Variants in GFRAL observed in about 807,000 individuals in gnomAD.
The protein encoded by GFRAL is GDNF family receptor alpha like, also known as GDNF family receptor alpha-like.
In GFRAL, 36 loss-of-function variants were observed where a neutral mutation model predicts 45.4. The ratio of observed to expected loss-of-function variants is 0.79; its 90% CI spans 0.61 to 1.05. GFRAL has a LOEUF of 1.05. GFRAL is among the 50% of genes least tolerant of loss of function. GFRAL has a pLI of 0.00. For synonymous variants in GFRAL, 166 were observed against 154.1 expected, an observed-to-expected ratio of 1.08 and a Z score of -0.57; for missense variants, 507 against 467.5, an observed-to-expected ratio of 1.08 and a Z score of -0.78.
chr6:55,384,863 CA>C (rs34292413), intron 6 of GFRAL, among the ~76,000 whole-genome samples: 2,506 of 140,464 alleles, frequency 0.018, 44 homozygotes, highest in African/African-American at 0.049. Flanking sequence ...CAAAAAGCAG[CA>C]AAAAAAAAAA....
intron 6 of GFRAL, among the ~76,000 whole-genome samples, chr6:55,359,576 G>T (rs1768245629): frequency 6.6e-6 from 1 of 151,868 alleles, no homozygotes; most frequent in South Asian, 2.1e-4. Flanking sequence ...TGGTCTTTTG[G>T]GGGGTCACTC....
chr6:55,339,980 C>A (rs1429538597), intron 3 of GFRAL, among the ~76,000 whole-genome samples: 1 of 151,986 alleles, frequency 6.6e-6, no homozygotes, highest in African/African-American at 2.4e-5. Flanking sequence ...ATGAATCAGG[C>A]ATACAAAAAC....
At chr6:55,362,536 A>G (rs1287398874) in intron 6 of GFRAL, among the ~76,000 whole-genome samples, 2 of 152,024 alleles carry the variant, frequency 1.3e-5, no homozygotes, top group Admixed American at 6.6e-5. Context: ...CTTGTCTGTG[A>G]TAATCTGTAG....
chr6:55,384,650 A>G (rs1768656293), intron 6 of GFRAL, among the ~76,000 whole-genome samples: 1 of 152,064 alleles, frequency 6.6e-6, no homozygotes. Flanking sequence ...CAACCAACAG[A>G]TGTGTGTCAG....
intron 3 of GFRAL, among the ~76,000 whole-genome samples, chr6:55,345,631 C>T (rs143024034): frequency 0.013 from 2,032 of 152,134 alleles, 24 homozygotes; most frequent in Non-Finnish European, 0.022. Flanking sequence ...GAGATAGGCA[C>T]GGGCAAGGAC....
At chr6:55,392,593 A>T (rs1455980643) in intron 6 of GFRAL, among the ~76,000 whole-genome samples, 1 of 152,214 alleles carries the variant, frequency 6.6e-6, no homozygotes, top group East Asian at 1.9e-4. Context: ...TTGATGTTGC[A>T]TCACATCGCC....
intron 5 of GFRAL, among the ~76,000 whole-genome samples, chr6:55,357,307 AG>A (rs1768207774): frequency 6.6e-6 from 1 of 151,726 alleles, no homozygotes; most frequent in Non-Finnish European, 1.5e-5. Flanking sequence ...CTCTCTCTTT[AG>A]GTCTAATACT....
At chr6:55,369,035 C>T (rs971649703) in intron 6 of GFRAL, among the ~76,000 whole-genome samples, 1 of 151,766 alleles carries the variant, frequency 6.6e-6, no homozygotes, top group African/African-American at 2.4e-5. Context: ...GCGCCCCTAC[C>T]CCAGCCTGGC....
chr6:55,339,069 C>T (rs1051678661), intron 3 of GFRAL, among the ~76,000 whole-genome samples: 7 of 151,960 alleles, frequency 4.6e-5, no homozygotes, highest in Admixed American at 6.6e-5. Context: ...ACTAAGGCAC[C>T]GGTCCTGAGA....
chr6:55,342,176 C>G (rs1200678560), intron 3 of GFRAL, among the ~76,000 whole-genome samples: 2 of 152,094 alleles, frequency 1.3e-5, no homozygotes, highest in Non-Finnish European at 2.9e-5. Flanking sequence ...ACAGAGAATG[C>G]CACAAAGATA....
At chr6:55,329,019 T>A (rs767190970) in intron 1 of GFRAL, among the ~76,000 whole-genome samples, 1 of 152,100 alleles carries the variant, frequency 6.6e-6, no homozygotes, top group East Asian at 1.9e-4. Context: ...AACACTGATA[T>A]AATTTGCAGC....
intron 6 of GFRAL, among the ~76,000 whole-genome samples, chr6:55,386,630 G>A (rs191452111): frequency 1.3e-5 from 2 of 152,160 alleles, no homozygotes; most frequent in Admixed American, 6.5e-5. Flanking sequence ...TACCTTTGTT[G>A]GCTAAGATTT....
intron 6 of GFRAL, among the ~76,000 whole-genome samples, chr6:55,377,905 A>G (rs1274901907): frequency 6.6e-6 from 1 of 152,102 alleles, no homozygotes; most frequent in Non-Finnish European, 1.5e-5. Flanking sequence ...AGAGTCAGTA[A>G]AAAGATGCAA....
intron 6 of GFRAL, among the ~76,000 whole-genome samples, chr6:55,365,034 T>C (rs1768339897): frequency 6.7e-6 from 1 of 149,972 alleles, no homozygotes; most frequent in Non-Finnish European, 1.5e-5. Context: ...TTGGGCAGTA[T>C]GGCCATTTTC....
intron 6 of GFRAL, among the ~76,000 whole-genome samples, chr6:55,395,175 A>AAAATATATAT: frequency 2.0e-3 from 251 of 123,448 alleles, no homozygotes; most frequent in South Asian, 7.0e-3. Context: ...AAAAAAAAAA[A>AAAATATATAT]ATATATATAT....
At chr6:55,352,829 C>G (rs1342716818) in intron 5 of GFRAL, among the ~76,000 whole-genome samples, 1 of 151,860 alleles carries the variant, frequency 6.6e-6, no homozygotes, top group Non-Finnish European at 1.5e-5. Context: ...TAATGTTAGT[C>G]GTTTATTTAT....
chr6:55,360,656 G>A (rs1045146656), intron 6 of GFRAL, among the ~76,000 whole-genome samples: 2 of 151,872 alleles, frequency 1.3e-5, no homozygotes, highest in African/African-American at 4.8e-5. Context: ...ATACAGAGAA[G>A]AATTGAAGTG....
intron 6 of GFRAL, among the ~76,000 whole-genome samples, chr6:55,379,590 C>T (rs894660533): frequency 8.5e-6 from 1 of 118,154 alleles, no homozygotes; most frequent in Admixed American, 7.7e-5. Context: ...CACACACACA[C>T]ACACACAAAC....
At chr6:55,340,122 A>G (rs76073599) in intron 3 of GFRAL, among the ~76,000 whole-genome samples, 6,221 of 152,306 alleles carry the variant, frequency 0.041, 185 homozygotes, top group African/African-American at 0.073. Flanking sequence ...ATTATAATTC[A>G]TGACAAAGAA....
Sources: allele counts gnomAD v4.1 joint callset (sites outside exome capture counted in the v4.1 genomes callset), GRCh38; gene constraint gnomAD v4.1.1; transcripts MANE v1.5; gene names NCBI Gene and HGNC (gene_info 2026-07-23, HGNC 2026-07-21).